The following KCNH7 variants were observed in gnomAD, a reference collection of about 807,000 sequenced individuals.
KCNH7 encodes voltage-gated inwardly rectifying potassium channel KCNH7.
In KCNH7, 49 loss-of-function variants were observed where a neutral mutation model predicts 120.8. That is an observed-to-expected ratio of 0.41 (90% CI 0.32 to 0.51). The LOEUF is 0.51. KCNH7 is among the 20% of genes least tolerant of loss of function. The pLI, the probability that KCNH7 is intolerant of heterozygous loss-of-function variation, is 0.38. For synonymous variants in KCNH7, 547 were observed against 516.1 expected (o/e 1.06, Z -0.81); for missense variants, 1,097 against 1,446.6 (o/e 0.76, Z 3.92).
intron 2 of KCNH7, among the ~76,000 whole-genome samples, chr2:162,781,187 G>A (rs2105494382): frequency 6.6e-6 from 1 of 151,980 alleles, no homozygotes; most frequent in South Asian, 2.1e-4. Flanking sequence ...CATGAATTCA[G>A]TTTGCATTTT....
intron 2 of KCNH7, among the ~76,000 whole-genome samples, chr2:162,675,163 CA>C (rs1042395507): frequency 6.6e-6 from 1 of 151,176 alleles, no homozygotes; most frequent in African/African-American, 2.4e-5. Context: ...GATGGAAAAA[CA>C]AAAACAAAAC....
At chr2:162,390,253 TACACACAC>T in intron 12 of KCNH7, among the ~76,000 whole-genome samples, 1 of 149,376 alleles carries the variant, frequency 6.7e-6, no homozygotes, top group African/African-American at 2.5e-5. Flanking sequence ...TATATATATA[TACACACAC>T]ACACACACAT....
At chr2:162,420,720 A>G (rs1201564903) in intron 9 of KCNH7, among the ~76,000 whole-genome samples, 1 of 152,198 alleles carries the variant, frequency 6.6e-6, no homozygotes, top group African/African-American at 2.4e-5. Context: ...TCATTTGGAC[A>G]TGGTTGAACA....
chr2:162,611,630 A>G (rs1048371118), intron 2 of KCNH7, among the ~76,000 whole-genome samples: 2 of 152,226 alleles, frequency 1.3e-5, no homozygotes, highest in African/African-American at 4.8e-5. Flanking sequence ...CCATGAGGCT[A>G]TGGGAAGAGA....
At chr2:162,644,226 C>A (rs1684271234) in intron 2 of KCNH7, among the ~76,000 whole-genome samples, 1 of 152,030 alleles carries the variant, frequency 6.6e-6, no homozygotes, top group Admixed American at 6.6e-5. Flanking sequence ...TAACCTGTTT[C>A]TCTGAAAGGA....
chr2:162,585,621 C>G (rs1286162724), intron 2 of KCNH7, among the ~76,000 whole-genome samples: 1 of 151,052 alleles, frequency 6.6e-6, no homozygotes, highest in Non-Finnish European at 1.5e-5. Flanking sequence ...TCTTATATAA[C>G]CAAATGATAG....
intron 2 of KCNH7, among the ~76,000 whole-genome samples, chr2:162,754,815 G>A (rs984329849): frequency 6.6e-5 from 10 of 152,166 alleles, no homozygotes; most frequent in Non-Finnish European, 1.3e-4. Flanking sequence ...CTGTATTTAG[G>A]ACTTAGCAAA....
At chr2:162,725,438 T>C (rs1424577210) in intron 2 of KCNH7, among the ~76,000 whole-genome samples, 2 of 152,128 alleles carry the variant, frequency 1.3e-5, no homozygotes, top group African/African-American at 2.4e-5. Flanking sequence ...TCTTTAATCA[T>C]AGGGTAACTG....
rs1178849649 is a variant in KCNH7 at position 162,528,987 on chromosome 2, A to G, written c.463+7938T>C. Among the ~76,000 whole-genome samples, 3 of 151,960 alleles carry G rather than the reference A, an allele frequency of 2.0e-5. No homozygotes were observed. The East Asian group carries it at 5.9e-4, about 30-fold the overall frequency. ...TGGGAGCTTTGGATAATGACTATTC[A>G]TAATGTATGAAAAGGAAGAGTTTTT... On this transcript the variant is annotated intron_variant, in intron 3 of 15. Coordinates refer to ENST00000332142, the MANE Select transcript of KCNH7 (RefSeq NM_033272.4).
intron 2 of KCNH7, among the ~76,000 whole-genome samples, chr2:162,757,858 C>T (rs1046681665): frequency 1.3e-5 from 2 of 152,046 alleles, no homozygotes; most frequent in Non-Finnish European, 2.9e-5. Context: ...CCATTGAGTG[C>T]CATATTTTCA....
chr2:162,500,972 A>C (rs1037143302), intron 6 of KCNH7, among the ~76,000 whole-genome samples: 4 of 152,146 alleles, frequency 2.6e-5, no homozygotes, highest in African/African-American at 9.6e-5. Context: ...AAAATGAAGT[A>C]TGTAATCCTA....
intron 2 of KCNH7, among the ~76,000 whole-genome samples, chr2:162,777,852 G>C (rs1199740291): frequency 6.6e-6 from 1 of 152,004 alleles, no homozygotes; most frequent in African/African-American, 2.4e-5. Context: ...GCAAACTATT[G>C]ATATAAATTG....
At chr2:162,462,838 G>A (rs561598369) in intron 6 of KCNH7, among the ~76,000 whole-genome samples, 62 of 152,034 alleles carry the variant, frequency 4.1e-4, no homozygotes, top group Admixed American at 1.0e-3. Context: ...CAATGTTTAC[G>A]TATTTCAAAA....
intron 9 of KCNH7, among the ~76,000 whole-genome samples, chr2:162,408,515 C>A (rs373270837): frequency 2.0e-5 from 3 of 152,072 alleles, no homozygotes; most frequent in East Asian, 3.9e-4. Context: ...ACACTCGAGT[C>A]ATAAAACAGC....
chr2:162,442,860 T>G (rs1301862992), intron 7 of KCNH7, among the ~76,000 whole-genome samples: 2 of 152,146 alleles, frequency 1.3e-5, no homozygotes, highest in African/African-American at 4.8e-5. Context: ...TGTCTTAAAA[T>G]TAAGCAATTA....
chr2:162,518,540 T>C (rs1691399041), intron 3 of KCNH7, among the ~76,000 whole-genome samples: 1 of 151,782 alleles, frequency 6.6e-6, no homozygotes, highest in Admixed American at 6.6e-5. Flanking sequence ...AGTCCAGGGA[T>C]AGACACAGGA....
intron 2 of KCNH7, among the ~76,000 whole-genome samples, chr2:162,590,798 C>T (rs1694186127): frequency 6.6e-6 from 1 of 152,042 alleles, no homozygotes; most frequent in Non-Finnish European, 1.5e-5. Context: ...TTCTCCTCTT[C>T]CTTTCTTTTA....
At chr2:162,461,403 T>A (rs1689141177) in intron 6 of KCNH7, among the ~76,000 whole-genome samples, 1 of 152,198 alleles carries the variant, frequency 6.6e-6, no homozygotes, top group Non-Finnish European at 1.5e-5. Context: ...ATGTATATAG[T>A]TCCACATATA....
rs1172300278 is a variant in KCNH7, at chr2:162,624,716, ATT to A, written c.308-87638_308-87637del. Reference sequence around the variant, plus strand: ...CTTTCCAGAATGAGAAACTTTAATCATTTTTAGTAACTCCTTACATGATAGCC... The same window carrying A: ...CTTTCCAGAATGAGAAACTTTAATCATTTAGTAACTCCTTACATGATAGCC... On this transcript the variant is annotated intron_variant, in intron 2 of 15. Transcript: ENST00000332142. Among the ~76,000 whole-genome samples the A allele has an allele frequency of 2.6e-5, 4 of 152,020 alleles. No individual in the cohort carries two copies. In the East Asian group the frequency reaches 7.8e-4, roughly 30 times the overall value.
Sources: allele counts gnomAD v4.1 joint callset (sites outside exome capture counted in the v4.1 genomes callset), GRCh38; gene constraint gnomAD v4.1.1; transcripts MANE v1.5; gene names NCBI Gene and HGNC (gene_info 2026-07-23, HGNC 2026-07-21).